The following AMBRA1 variants were observed in gnomAD, a reference collection of about 807,000 sequenced individuals.
AMBRA1 encodes the protein activating molecule in BECN1-regulated autophagy protein 1.
A neutral mutation model predicts 125.4 loss-of-function variants in AMBRA1; 47 were observed. The ratio of observed to expected loss-of-function variants is 0.37; its 90% CI spans 0.30 to 0.48. The LOEUF (loss-of-function observed/expected upper bound fraction) is 0.48, where lower values mean the gene tolerates loss of function less well. Ranked by LOEUF, AMBRA1 falls within the 20% of genes least tolerant of loss-of-function variation. The pLI, the probability that AMBRA1 is intolerant of heterozygous loss-of-function variation, is 0.99. For missense variants in AMBRA1, 1,331 were observed against 1,693.4 expected, an observed-to-expected ratio of 0.79 and a Z score of 3.76; for synonymous variants, 626 against 655.5, an observed-to-expected ratio of 0.95 and a Z score of 0.69.
chr11:46,548,394 C>T lies in AMBRA1; in HGVS notation c.-14G>A, dbSNP rs368584188. On this transcript the variant is annotated 5_prime_UTR_variant, in exon 2 of 18. Coordinates refer to ENST00000683756, the MANE Select transcript of AMBRA1 (RefSeq NM_001387011.1). ...GACAACCTTCATGGCGCTCAGTAGCCACTGTCACACCAGGCCCAGGAAATG... is the reference window on the plus strand; with the variant it reads ...GACAACCTTCATGGCGCTCAGTAGCTACTGTCACACCAGGCCCAGGAAATG... The T allele has an allele frequency of 6.2e-7, 1 of 1,613,264 alleles. No homozygotes were observed. Among genetic ancestry groups the T allele is most frequent in the Non-Finnish European group, 8.5e-7 (1 of 1,179,998 alleles).
chr11:46,419,995 T>TACACACACACGCACACACACACAC (rs1946767511), intron 14 of AMBRA1, among the ~76,000 whole-genome samples: 1 of 129,018 alleles, frequency 7.8e-6, no homozygotes, highest in Admixed American at 7.8e-5. Context: ...GTGTCCTCAA[T>TACACACACACGCACACACACACAC]ACACACACAC....
intron 9 of AMBRA1, chr11:46,504,492 T>A (rs2135020927): frequency 6.6e-6 from 1 of 152,368 alleles, no homozygotes; most frequent in Middle Eastern, 3.4e-3. Context: ...ACCCTGCTTA[T>A]GAACATCTTT....
At chr11:46,446,146 T>C (rs745555677) in intron 11 of AMBRA1, among the ~76,000 whole-genome samples, 10 of 152,152 alleles carry the variant, frequency 6.6e-5, no homozygotes, top group Admixed American at 2.6e-4. Flanking sequence ...CTGCCAATGG[T>C]GCCAGGGTGC....
At position 46,542,367 on chromosome 11, in the gene AMBRA1, G is replaced by A. The variant is rs1952791449; in HGVS notation, c.1650C>T (p.Thr550=). Residue 550 remains threonine (T), a synonymous_variant, in exon 7 of 18, where the codon ACC becomes ACT. Transcript: ENST00000683756. This position sits in a 1 kb window ranked among gnomAD's most constrained non-coding sequence, Gnocchi z 5.9. Reference sequence around the variant, plus strand: ...TGGAGTTGTTCTCACTGCTGTGTGGGGTGGGCTGGTGGGAAGGGCCTGGCC... The same window carrying A: ...TGGAGTTGTTCTCACTGCTGTGTGGAGTGGGCTGGTGGGAAGGGCCTGGCC... ...SERPGPSHQP[T]PHSSENNSNL... is the part of the protein sequence containing the mutation. The A allele has an allele frequency of 1.2e-6, 2 of 1,614,028 alleles. No individual in the cohort carries two copies. Among genetic ancestry groups the A allele is most frequent in the African/African-American group, 1.3e-5 (1 of 74,904 alleles).
chr11:46,436,620 G>A (rs777702689), intron 12 of AMBRA1, among the ~76,000 whole-genome samples: 4 of 151,780 alleles, frequency 2.6e-5, no homozygotes, highest in Non-Finnish European at 5.9e-5. Context: ...TACTACTCAG[G>A]GTCCCAAGCC....
intron 12 of AMBRA1, among the ~76,000 whole-genome samples, chr11:46,442,654 C>A (rs1948076412): frequency 6.6e-6 from 1 of 152,078 alleles, no homozygotes; most frequent in African/African-American, 2.4e-5. Flanking sequence ...TCACTAGAAG[C>A]AAGGAAACTG....
intron 11 of AMBRA1, among the ~76,000 whole-genome samples, chr11:46,467,873 T>C (rs1462027019): frequency 6.6e-6 from 1 of 152,148 alleles, no homozygotes; most frequent in East Asian, 1.9e-4. Flanking sequence ...TAAACACACA[T>C]GTTCATTCTT....
chr11:46,543,263 A>G lies in AMBRA1; in HGVS notation c.754T>C (p.Ser252Pro). 3.1e-6 allele frequency: 5 copies of G among 1,613,984 alleles called. No homozygotes were observed. The highest frequency in any genetic ancestry group is 3.4e-6 in the Non-Finnish European group (4 of 1,179,988). Residue 252 changes from serine to proline, a missense_variant, in exon 7 of 18, where the codon TCT becomes CCT. Transcript: ENST00000683756. ...CTTTGCTCTCCCACCTGGATGCCAG[A>G]AGAGCGGGAGGACAGCATGTGCAGG... Reference protein sequence around the residue: ...NFLHMLSSRSSGIQVGEQSTV... With the variant: ...NFLHMLSSRSPGIQVGEQSTV...
At chr11:46,432,825 C>T (rs949686432) in intron 14 of AMBRA1, among the ~76,000 whole-genome samples, 1 of 152,244 alleles carries the variant, frequency 6.6e-6, no homozygotes, top group Non-Finnish European at 1.5e-5. Context: ...ATCCCCTTGA[C>T]AAAACCCTGG....
chr11:46,560,203 C>T (rs1244020768), intron 1 of AMBRA1, among the ~76,000 whole-genome samples: 1 of 152,204 alleles, frequency 6.6e-6, no homozygotes, highest in African/African-American at 2.4e-5. Flanking sequence ...AAACTGTCAA[C>T]AGACAGAACC....
At chr11:46,517,241 G>A (rs1399403598) in intron 7 of AMBRA1, among the ~76,000 whole-genome samples, 1 of 141,764 alleles carries the variant, frequency 7.1e-6, no homozygotes, top group East Asian at 2.2e-4. Context: ...TCCGCCTCCC[G>A]GGTTCAAGTG....
chr11:46,426,441 C>A (rs891051098), intron 14 of AMBRA1, among the ~76,000 whole-genome samples: 2 of 152,098 alleles, frequency 1.3e-5, no homozygotes, highest in Non-Finnish European at 2.9e-5. Flanking sequence ...GACAGGGGCT[C>A]AATAAAGTTT....
intron 1 of AMBRA1, among the ~76,000 whole-genome samples, chr11:46,549,467 T>A (rs1006155741): frequency 6.6e-6 from 1 of 152,242 alleles, no homozygotes; most frequent in Non-Finnish European, 1.5e-5. Flanking sequence ...TATGGTTACA[T>A]TGAGGTTGGT....
intron 17 of AMBRA1, among the ~76,000 whole-genome samples, chr11:46,407,379 C>G (rs1383712558): frequency 6.6e-6 from 1 of 152,168 alleles, no homozygotes; most frequent in Non-Finnish European, 1.5e-5. Context: ...TCCCTTTTGC[C>G]TGGCCCTCAG....
chr11:46,547,208 G>A lies in AMBRA1; in HGVS notation c.283C>T (p.Arg95Cys), dbSNP rs770221211. 2.5e-6 allele frequency: 4 copies of A among 1,614,050 alleles called. No homozygotes were observed. Among genetic ancestry groups the A allele is most frequent in the Non-Finnish European group, 3.4e-6 (4 of 1,179,992 alleles). The change falls in exon 4 of 18, where the codon CGC (arginine) becomes TGC (cysteine). Residue 95 changes from arginine to cysteine, a missense_variant. Coordinates refer to ENST00000683756, the MANE Select transcript of AMBRA1 (RefSeq NM_001387011.1). ...GKCVHSLIGH[R>C]RTPWCVTFHP... ...AAAGTGACACACCATGGAGTACGGC[G>A]GTGTCCAATCAGGGAATGAACACAC... is the stretch of plus-strand genomic sequence containing the variant.
intron 13 of AMBRA1, among the ~76,000 whole-genome samples, chr11:46,434,501 T>A (rs1375074522): frequency 6.6e-6 from 1 of 152,114 alleles, no homozygotes; most frequent in Non-Finnish European, 1.5e-5. Context: ...TTTGTATAGT[T>A]TTCTGATTAT....
At chr11:46,514,325 G>C (rs1183207481) in intron 7 of AMBRA1, among the ~76,000 whole-genome samples, 2 of 152,082 alleles carry the variant, frequency 1.3e-5, no homozygotes, top group Non-Finnish European at 2.9e-5. Flanking sequence ...CTAACAACCT[G>C]GCTTGCAACC....
intron 7 of AMBRA1, among the ~76,000 whole-genome samples, chr11:46,541,264 G>C (rs1416737412): frequency 1.3e-5 from 2 of 152,178 alleles, no homozygotes; most frequent in Non-Finnish European, 2.9e-5. Context: ...TCTGAGTATG[G>C]AGAGTCTTTC....
chr11:46,543,530 T>G, intron 6 of AMBRA1, 132 bp from the exon 7 acceptor site: 44 of 1,173,416 alleles, frequency 3.7e-5, no homozygotes, highest in East Asian at 5.0e-5. Context: ...AACAACTCTC[T>G]ACCCCTGAAG....
Sources: allele counts gnomAD v4.1 joint callset (sites outside exome capture counted in the v4.1 genomes callset), GRCh38; gene constraint gnomAD v4.1.1; non-coding constraint Gnocchi (gnomAD v3.1); transcripts MANE v1.5; gene names NCBI Gene and HGNC (gene_info 2026-07-23, HGNC 2026-07-21).